Variants in CADM2 observed in about 807,000 individuals in gnomAD.
CADM2 encodes the protein cell adhesion molecule 2, also known as immunoglobulin superfamily member 4D.
In CADM2, 12 loss-of-function variants were observed where a neutral mutation model predicts 49.8. The ratio of observed to expected loss-of-function variants is 0.24; its 90% CI spans 0.15 to 0.39. CADM2 has a LOEUF of 0.39. CADM2 is among the 10% of genes least tolerant of loss of function. The pLI is 1.00. For synonymous variants in CADM2, 214 were observed against 175.4 expected, an observed-to-expected ratio of 1.22 and a Z score of -1.74; for missense variants, 378 against 492.3, an observed-to-expected ratio of 0.77 and a Z score of 2.20.
chr3:86,054,577 A>C (rs545689485), intron 8 of CADM2, among the ~76,000 whole-genome samples: 2 of 152,122 alleles, frequency 1.3e-5, no homozygotes, highest in Non-Finnish European at 2.9e-5. Context: ...AAATTTTAGA[A>C]TAATGTGGAG....
intron 1 of CADM2, among the ~76,000 whole-genome samples, chr3:85,285,781 A>C (rs2043619089): frequency 5.3e-5 from 8 of 151,584 alleles, no homozygotes; most frequent in Admixed American, 5.3e-4. Context: ...AAATGTATTT[A>C]TATTTTAATC....
At chr3:85,776,227 C>T (rs2070354249) in intron 2 of CADM2, among the ~76,000 whole-genome samples, 2 of 151,484 alleles carry the variant, frequency 1.3e-5, no homozygotes, top group Admixed American at 1.3e-4. Flanking sequence ...GAGAAAAATA[C>T]ATCTTTAAGT....
At chr3:85,917,427 CCCTT>C (rs143179339) in intron 6 of CADM2, among the ~76,000 whole-genome samples, 47,925 of 151,640 alleles carry the variant, frequency 0.32, 8,617 homozygotes, top group East Asian at 0.42. Context: ...AATAGGGAAT[CCCTT>C]CCCCATTTCT....
rs1553656698 is a variant in CADM2, at chr3:85,658,574, G to GTATA, written c.62-67947_62-67946insATAT. On this transcript the variant is annotated intron_variant, in intron 1 of 9. Transcript: ENST00000383699. Reference sequence around the variant, plus strand: ...TCCTCTATAAATATATTGGATATATGTGTATATATATATATATATATATAT... The same window carrying GTATA: ...TCCTCTATAAATATATTGGATATATGTATATGTATATATATATATATATATATAT... 4.9e-4 allele frequency among the ~76,000 whole-genome samples: 27 copies of GTATA among 55,464 alleles called. 1 individual carries two copies. Among genetic ancestry groups the GTATA allele is most frequent in the Middle Eastern group, 0.015 (1 of 68 alleles). The allele number at this position is 55,464 out of a possible 152,430, so 36.4% of individuals were successfully genotyped here.
intron 2 of CADM2, among the ~76,000 whole-genome samples, chr3:85,766,333 T>G (rs1385033639): frequency 6.6e-6 from 1 of 152,136 alleles, no homozygotes; most frequent in Non-Finnish European, 1.5e-5. Context: ...GAGCTCTCTA[T>G]TAATAGTTAT....
intron 1 of CADM2, among the ~76,000 whole-genome samples, chr3:85,351,749 A>T (rs1047530219): frequency 6.6e-6 from 1 of 152,150 alleles, no homozygotes; most frequent in South Asian, 2.1e-4. Context: ...GGGCCTGTCT[A>T]TATTTGAATA....
At chr3:85,209,495 AT>A (rs2041726316) in intron 1 of CADM2, among the ~76,000 whole-genome samples, 2 of 152,186 alleles carry the variant, frequency 1.3e-5, no homozygotes, top group Admixed American at 1.3e-4. Flanking sequence ...TGTAAAGGTT[AT>A]TTCTCAAATT....
chr3:85,321,357 G>T (rs1355016260), intron 1 of CADM2, among the ~76,000 whole-genome samples: 2 of 150,198 alleles, frequency 1.3e-5, no homozygotes, highest in Non-Finnish European at 1.5e-5. Flanking sequence ...ATTTATTTTT[G>T]TACTTTTAGT....
intron 8 of CADM2, among the ~76,000 whole-genome samples, chr3:86,028,354 G>T (rs1734163360): frequency 6.6e-6 from 1 of 151,940 alleles, no homozygotes; most frequent in Non-Finnish European, 1.5e-5. Flanking sequence ...ACACAAAAAT[G>T]GGTTAAGGGG....
chr3:86,036,728 A>T (rs1480621415), intron 8 of CADM2, among the ~76,000 whole-genome samples: 5 of 152,200 alleles, frequency 3.3e-5, no homozygotes, highest in Non-Finnish European at 5.9e-5. Flanking sequence ...AATGGGAATT[A>T]AAAAGTATCT....
intron 1 of CADM2, among the ~76,000 whole-genome samples, chr3:85,340,078 C>T (rs150296451): frequency 6.4e-4 from 97 of 151,308 alleles, no homozygotes; most frequent in African/African-American, 2.3e-3. Context: ...ATATGAAAAG[C>T]ATGTGAATAT....
At chr3:85,693,064 C>T (rs1216387901) in intron 1 of CADM2, among the ~76,000 whole-genome samples, 1 of 151,986 alleles carries the variant, frequency 6.6e-6, no homozygotes, top group African/African-American at 2.4e-5. Flanking sequence ...TCCTAGCCAA[C>T]ATGGTGAAAC....
intron 1 of CADM2, among the ~76,000 whole-genome samples, chr3:85,076,863 T>C (rs1482115362): frequency 2.0e-5 from 3 of 152,046 alleles, no homozygotes; most frequent in Admixed American, 1.3e-4. Flanking sequence ...TCCCAACTAC[T>C]CTGGAGGCTG....
chr3:85,720,999 C>T (rs993757954), intron 1 of CADM2, among the ~76,000 whole-genome samples: 19 of 152,220 alleles, frequency 1.2e-4, no homozygotes, highest in East Asian at 1.2e-3. Context: ...TACTACATTT[C>T]GACGCAGTAG....
intron 1 of CADM2, among the ~76,000 whole-genome samples, chr3:85,347,728 G>A (rs2107223711): frequency 6.6e-6 from 1 of 150,420 alleles, no homozygotes; most frequent in South Asian, 2.1e-4. Flanking sequence ...TGCAACTTCC[G>A]CCTTCCAGGT....
rs77774142 is a variant in CADM2, at chr3:85,982,671, T to C, written c.970+21024T>C. Among the ~76,000 whole-genome samples the C allele has an allele frequency of 2.9e-3, 442 of 151,840 alleles. 1 individual carries two copies. The highest frequency in any genetic ancestry group is 0.01 in the African/African-American group (417 of 41,512). On this transcript the variant is annotated intron_variant, in intron 8 of 9. Transcript: ENST00000383699. ...AAACAATGTTATCAATTTTACACTGTATTCTTTCAAATTATGTGACGTTGT... is the reference window on the plus strand; with the variant it reads ...AAACAATGTTATCAATTTTACACTGCATTCTTTCAAATTATGTGACGTTGT...
At chr3:85,802,664 G>A (rs1213130112) in intron 3 of CADM2, among the ~76,000 whole-genome samples, 1 of 152,056 alleles carries the variant, frequency 6.6e-6, no homozygotes, top group Admixed American at 6.6e-5. Context: ...GAATGTTGAA[G>A]TATTTCATGT....
intron 1 of CADM2, among the ~76,000 whole-genome samples, chr3:85,682,679 A>G (rs2066072950): frequency 6.6e-6 from 1 of 152,090 alleles, no homozygotes; most frequent in African/African-American, 2.4e-5. Context: ...TTTGTATTTG[A>G]TATCTTTTAA....
At chr3:85,583,729 G>T (rs2062857889) in intron 1 of CADM2, among the ~76,000 whole-genome samples, 1 of 152,006 alleles carries the variant, frequency 6.6e-6, no homozygotes, top group Non-Finnish European at 1.5e-5. Flanking sequence ...TTTATGAATA[G>T]TATCTGTTCT....
Sources: gnomAD v4.1 joint callset for allele counts (sites outside exome capture counted in the v4.1 genomes callset) on GRCh38, gnomAD v4.1.1 for gene constraint, MANE v1.5 for transcripts, NCBI Gene and HGNC (gene_info 2026-07-23, HGNC 2026-07-21) for gene names.